Variants in GEN1 observed in about 807,000 individuals in gnomAD.
GEN1 encodes GEN1 structure-specific endonuclease.
GEN1 carries 64 observed loss-of-function variants against 67.6 expected under a neutral mutation model. That is an observed-to-expected ratio of 0.95 (90% CI 0.77 to 1.17). The LOEUF (loss-of-function observed/expected upper bound fraction) is 1.17. Among genes scored for constraint, GEN1 ranks in the 50% most tolerant of loss-of-function variants. The probability of loss-of-function intolerance (pLI) is 0.00; values close to 1 mark genes in which losing one functional copy is unlikely to be tolerated. For synonymous variants in GEN1, 371 were observed against 359.4 expected (o/e 1.03, Z -0.37); for missense variants, 1,058 against 1,048.3 (o/e 1.01, Z -0.13).
At chr2:17,755,304 C>T (rs1250529186) in intron 1 of GEN1, 2 of 152,164 alleles carry the variant, frequency 1.3e-5, no homozygotes, top group African/African-American at 2.4e-5. Context: ...TTCCTAAATA[C>T]AACTATAGCT....
rs1314112721 is a variant in GEN1, at chr2:17,778,300, A to G, written c.1264+237A>G. Reference sequence around the variant, plus strand: ...TGTATATACACACACATGTGTGTGTACATATATGTATATACACACACACGT... The same window carrying G: ...TGTATATACACACACATGTGTGTGTGCATATATGTATATACACACACACGT... On this transcript the variant is annotated intron_variant, in intron 12 of 13. Coordinates refer to ENST00000381254, the MANE Select transcript of GEN1 (RefSeq NM_001130009.3). Among the ~76,000 whole-genome samples the G allele has an allele frequency of 1.0e-4, 12 of 114,936 alleles. 2 individuals carry two copies. Among genetic ancestry groups the G allele is most frequent in the African/African-American group, 4.4e-4 (12 of 27,496 alleles). 75.4% of individuals were successfully genotyped at this position (114,936 alleles called of 152,430 possible).
At chr2:17,765,150 G>C (rs989977293) in intron 4 of GEN1, 77 bp downstream of exon 4, 13 of 1,376,922 alleles carry the variant, frequency 9.4e-6, no homozygotes, top group African/African-American at 8.7e-5. Flanking sequence ...TGAAATAGTA[G>C]ATATAAAATG....
chr2:17,764,723 A>C (rs1376372005), intron 3 of GEN1, among the ~76,000 whole-genome samples, 174 bp from the exon 4 acceptor site: 2 of 152,226 alleles, frequency 1.3e-5, no homozygotes, highest in Admixed American at 6.5e-5. Context: ...TCATTCCTTA[A>C]AGCCCTCAAA....
At chr2:17,766,740 C>T (rs186467634) in intron 5 of GEN1, 51 bp downstream of exon 5, 2 of 952,794 alleles carry the variant, frequency 2.1e-6, no homozygotes, top group Non-Finnish European at 1.7e-6. Flanking sequence ...CTTTTTCGTA[C>T]TTTATGTGCT....
rs1673068382 is a variant in GEN1 at position 17,786,641 on chromosome 2, T to G, written c.*4702T>G. 1.3e-5 allele frequency: 2 copies of G among 152,218 alleles called. No individual in the cohort carries two copies. 9.4% of individuals were successfully genotyped at this position (152,218 alleles called of 1,614,324 possible). A position where few individuals can be genotyped will look rare whatever the true frequency, so the allele number is the denominator to read the frequency against. On this transcript the variant is annotated 3_prime_UTR_variant, in exon 14 of 14. Transcript: ENST00000381254. ...CTCCTAATTCATGAGTGAAAACAATTCTCTGTATTTATGTTTCCATACATC... is the reference window on the plus strand; with the variant it reads ...CTCCTAATTCATGAGTGAAAACAATGCTCTGTATTTATGTTTCCATACATC...
rs538233997 is a variant in GEN1 at position 17,762,202 on chromosome 2, T to G, written c.348+620T>G. Among the ~76,000 whole-genome samples, 762 of 148,248 alleles carry G rather than the reference T, an allele frequency of 5.1e-3. 4 individuals are homozygous for G. The highest frequency in any genetic ancestry group is 8.4e-3 in the Non-Finnish European group (563 of 67,066). On this transcript the variant is annotated intron_variant, in intron 3 of 13. Transcript: ENST00000381254. ...TTTTTTTCTGTTTTCTTTTTTTGGT[T>G]GTTTTTTTTTTTTTTTTGAGATGGA...
At chr2:17,756,886 A>G (rs1323148365) in intron 1 of GEN1, among the ~76,000 whole-genome samples, 1 of 152,184 alleles carries the variant, frequency 6.6e-6, no homozygotes, top group Non-Finnish European at 1.5e-5. Flanking sequence ...GGAATGTTTT[A>G]TGCTTTTACA....
chr2:17,772,497 T>C lies in GEN1; in HGVS notation c.803-137T>C, dbSNP rs531036922. 107 of 599,098 alleles carry C rather than the reference T, an allele frequency of 1.8e-4. No homozygotes were observed. The South Asian group carries it at 2.8e-3, about 16-fold the overall frequency. The allele number at this position is 599,098 out of a possible 1,614,324, so 37.1% of individuals were successfully genotyped here. Reference sequence around the variant, plus strand: ...TATTACTCTATTCATCCTAAATGTATTGAAACCTTTCTATATGCTAGGTAG... The same window carrying C: ...TATTACTCTATTCATCCTAAATGTACTGAAACCTTTCTATATGCTAGGTAG... On this transcript the variant is annotated intron_variant, in intron 7 of 13. Coordinates refer to ENST00000381254, the MANE Select transcript of GEN1 (RefSeq NM_001130009.3).
intron 2 of GEN1, among the ~76,000 whole-genome samples, 194 bp from the exon 3 acceptor site, chr2:17,761,202 C>T (rs1671660536): frequency 6.6e-6 from 1 of 152,066 alleles, no homozygotes; most frequent in Admixed American, 6.5e-5. Context: ...TGCACTCCAG[C>T]CTGGGTGACA....
chr2:17,763,062 C>G (rs1276663148), intron 3 of GEN1, among the ~76,000 whole-genome samples: 1 of 152,154 alleles, frequency 6.6e-6, no homozygotes, highest in Non-Finnish European at 1.5e-5. Flanking sequence ...CTACTTACCT[C>G]TTGAGGTTTT....
intron 12 of GEN1, among the ~76,000 whole-genome samples, chr2:17,778,631 A>C (rs1672673509): frequency 1.3e-5 from 2 of 152,002 alleles, no homozygotes; most frequent in Admixed American, 6.6e-5. Flanking sequence ...TTCTTTTGTA[A>C]TGTTTAAGGA....
At chr2:17,778,323 C>T (rs529713155) in intron 12 of GEN1, among the ~76,000 whole-genome samples, 19,592 of 30,862 alleles carry the variant, frequency 0.63, 7,920 homozygotes, top group South Asian at 0.8. Flanking sequence ...TACACACACA[C>T]GTGTACATAT....
chr2:17,771,600 A>T (rs1672193069), intron 7 of GEN1, among the ~76,000 whole-genome samples: 1 of 152,146 alleles, frequency 6.6e-6, no homozygotes, highest in South Asian at 2.1e-4. Context: ...AATATATACT[A>T]ATAAGTCTTA....
At position 17,786,005 on chromosome 2, in the gene GEN1, A is replaced by G. The variant is rs1558418951; in HGVS notation, c.*4066A>G. 6.6e-6 allele frequency: 1 copy of G among 152,238 alleles called. No individual in the cohort carries two copies. The highest frequency in any genetic ancestry group is 1.5e-5 in the Non-Finnish European group (1 of 68,040). 9.4% of individuals were successfully genotyped at this position (152,238 alleles called of 1,614,324 possible). On this transcript the variant is annotated 3_prime_UTR_variant, in exon 14 of 14. Coordinates refer to ENST00000381254, the MANE Select transcript of GEN1 (RefSeq NM_001130009.3). ...CATGGCTTGAGCCATCTTGTCAGGCATACCTAGCTTCAGATTCTTTTCTGC... is the reference window on the plus strand; with the variant it reads ...CATGGCTTGAGCCATCTTGTCAGGCGTACCTAGCTTCAGATTCTTTTCTGC...
chr2:17,764,737 TCA>T (rs996192496), intron 3 of GEN1, among the ~76,000 whole-genome samples, 158 bp from the exon 4 acceptor site: 2 of 152,214 alleles, frequency 1.3e-5, no homozygotes, highest in Non-Finnish European at 2.9e-5. Flanking sequence ...CCTCAAATAT[TCA>T]GTCATTGTTC....
intron 1 of GEN1, among the ~76,000 whole-genome samples, chr2:17,757,314 A>G (rs1394109644): frequency 6.6e-6 from 1 of 151,356 alleles, no homozygotes; most frequent in East Asian, 1.9e-4. Context: ...GCTTTACACA[A>G]TGATCTTAAT....
At chr2:17,759,519 C>T (rs1302298213) in intron 1 of GEN1, among the ~76,000 whole-genome samples, 1 of 152,018 alleles carries the variant, frequency 6.6e-6, no homozygotes, top group Non-Finnish European at 1.5e-5. Flanking sequence ...GTTTCTTCTT[C>T]CCTCACTTTT....
At position 17,772,614 on chromosome 2, in the gene GEN1, T is replaced by C. The variant is rs780972803; in HGVS notation, c.803-20T>C. 1 of 1,576,088 alleles carries C rather than the reference T, an allele frequency of 6.3e-7. No homozygotes were observed. The highest frequency in any genetic ancestry group is 8.6e-7 in the Non-Finnish European group (1 of 1,164,930). ...TATAAAAGGCAAAAAATATTATACT[T>C]TTTTTGGGTCTCCATAAAGGTTCAC... On this transcript the variant is annotated intron_variant, in intron 7 of 13. Transcript: ENST00000381254.
At chr2:17,772,075 G>A (rs554051390) in intron 7 of GEN1, among the ~76,000 whole-genome samples, 1 of 152,128 alleles carries the variant, frequency 6.6e-6, no homozygotes, top group African/African-American at 2.4e-5. Flanking sequence ...AATGTTGAAA[G>A]TAATCACACT....
Sources: gnomAD v4.1 joint callset for allele counts (sites outside exome capture counted in the v4.1 genomes callset) on GRCh38, gnomAD v4.1.1 for gene constraint, MANE v1.5 for transcripts, NCBI Gene and HGNC (gene_info 2026-07-23, HGNC 2026-07-21) for gene names.